ACACB: variants seen among roughly 807,000 people sequenced by gnomAD.
The protein encoded by ACACB is acetyl-CoA carboxylase 2.
Under a neutral mutation model 278.8 loss-of-function variants are expected in ACACB, and 209 were observed. The ratio of observed to expected loss-of-function variants is 0.75; its 90% CI spans 0.67 to 0.84. ACACB has a LOEUF of 0.84. Among genes scored for constraint, ACACB ranks in the 40% least tolerant of loss-of-function variants. The pLI is 0.00. For synonymous variants in ACACB, 1,174 were observed against 1,285.6 expected (o/e 0.91, Z 1.86); for missense variants, 2,850 against 3,269.0 (o/e 0.87, Z 3.13).
upstream of ACACB, among the ~76,000 whole-genome samples, chr12:109,115,419 A>T (rs2042384363): frequency 6.6e-6 from 1 of 152,222 alleles, no homozygotes; most frequent in Non-Finnish European, 1.5e-5. Context: ...GGAATTTTAT[A>T]AAAATGTCCT....
intron 28 of ACACB, among the ~76,000 whole-genome samples, chr12:109,231,397 CAT>C (rs1565950669): frequency 6.6e-6 from 1 of 152,156 alleles, no homozygotes; most frequent in East Asian, 1.9e-4. Flanking sequence ...TACATGAACA[CAT>C]GTTAATTCAT....
chr12:109,233,869 G>A (rs1364787167), intron 30 of ACACB, 22 bp downstream of exon 30: 47 of 1,613,746 alleles, frequency 2.9e-5, no homozygotes, highest in Non-Finnish European at 3.9e-5. Context: ...AGCCCAGGGA[G>A]CAACCTGGGG....
intron 42 of ACACB, 105 bp from the exon 43 acceptor site, chr12:109,252,910 G>A: frequency 1.7e-6 from 2 of 1,152,152 alleles, no homozygotes; most frequent in East Asian, 5.3e-5. Context: ...TCTCCTGGGT[G>A]ATTCTAATGT....
intron 41 of ACACB, among the ~76,000 whole-genome samples, chr12:109,251,623 G>A (rs560446788): frequency 9.2e-4 from 140 of 152,162 alleles, no homozygotes; most frequent in Non-Finnish European, 6.3e-4. Flanking sequence ...GTACATTATC[G>A]AAACCAGGAA....
At chr12:109,257,327 A>T (rs929548519) in intron 45 of ACACB, among the ~76,000 whole-genome samples, 1 of 152,022 alleles carries the variant, frequency 6.6e-6, no homozygotes, top group Non-Finnish European at 1.5e-5. Context: ...AATAAAAAAA[A>T]AAAAATCCAC....
chr12:109,220,870 GT>G, intron 24 of ACACB, among the ~76,000 whole-genome samples: 1 of 152,126 alleles, frequency 6.6e-6, no homozygotes, highest in African/African-American at 2.4e-5. Context: ...AAATGTTTTT[GT>G]TATTATTATT....
At chr12:109,242,716 G>A (rs1565963798) in intron 37 of ACACB, 124 bp downstream of exon 37, 32 of 1,198,962 alleles carry the variant, frequency 2.7e-5, no homozygotes, top group East Asian at 7.3e-5. Context: ...TGCCAGGTGC[G>A]GTGGCTCACG....
At chr12:109,150,809 A>G (rs1339863700) in intron 2 of ACACB, among the ~76,000 whole-genome samples, 1 of 152,162 alleles carries the variant, frequency 6.6e-6, no homozygotes, top group Non-Finnish European at 1.5e-5. Flanking sequence ...GTCTATGCAT[A>G]TTTTTATGCG....
At chr12:109,229,223 G>C (rs952620887) in intron 28 of ACACB, among the ~76,000 whole-genome samples, 1 of 152,138 alleles carries the variant, frequency 6.6e-6, no homozygotes, top group Non-Finnish European at 1.5e-5. Context: ...GATTACAGGC[G>C]TGAGCCACCG....
chr12:109,238,011 CAAAAAAA>C (rs538671568), intron 34 of ACACB, among the ~76,000 whole-genome samples: 1 of 61,346 alleles, frequency 1.6e-5, no homozygotes, highest in African/African-American at 6.0e-5. Flanking sequence ...GACCCTATCA[CAAAAAAA>C]AAAAAAAAAG....
At position 109,171,507 on chromosome 12, in the gene ACACB, G is replaced by A. The variant is rs1441746803; in HGVS notation, c.926-298G>A. 2.6e-5 allele frequency among the ~76,000 whole-genome samples: 4 copies of A among 152,048 alleles called. No homozygotes were observed. In the East Asian group the frequency reaches 5.8e-4, roughly 22 times the overall value. On this transcript the variant is annotated intron_variant, in intron 4 of 52. Coordinates refer to ENST00000338432, the MANE Select transcript of ACACB (RefSeq NM_001093.4). ...TTGGATTACAGGTGCCCACCACCAC[G>A]CCTGGCTAATTTTTGTATTTTTAGT...
At chr12:109,196,899 T>C in intron 16 of ACACB, 109 bp from the exon 17 acceptor site, 1 of 1,281,422 alleles carries the variant, frequency 7.8e-7, no homozygotes, top group East Asian at 3.0e-5. Flanking sequence ...GGTGTTCATC[T>C]TGGCCCTCTG....
chr12:109,174,302 C>A (rs1350226777), intron 7 of ACACB, 72 bp downstream of exon 7: 2 of 1,170,530 alleles, frequency 1.7e-6, no homozygotes, highest in East Asian at 2.7e-5. Context: ...GTCAGGGTGA[C>A]AGAAGTATGC....
Position 109,212,838 on chromosome 12 carries a change from A to T in ACACB, c.3252A>T (p.Ile1084=). 1.2e-6 allele frequency: 2 copies of T among 1,613,862 alleles called. No homozygotes were observed. The highest frequency in any genetic ancestry group is 1.7e-6 in the Non-Finnish European group (2 of 1,179,802). Residue 1084 remains isoleucine (I), a splice_region_variant and synonymous_variant, in exon 22 of 53, where the codon ATA becomes ATT. Coordinates refer to ENST00000338432, the MANE Select transcript of ACACB (RefSeq NM_001093.4). ...SVLCQFPSQQ[I]ATILDCHAAT... ...ACCTGTCTTGTTTTCCCATCCAGAT[A>T]GCCACCATCCTGGACTGCCATGCAG... is the stretch of plus-strand genomic sequence containing the variant.
intron 2 of ACACB, among the ~76,000 whole-genome samples, chr12:109,142,186 T>C (rs2043138696): frequency 6.6e-6 from 1 of 152,118 alleles, no homozygotes; most frequent in African/African-American, 2.4e-5. Context: ...AAGTTTGTGG[T>C]TATAGTGAGC....
In ACACB at chr12:109,179,184, A is replaced by C; in HGVS notation, c.1534A>C (p.Asn512His). The C allele has an allele frequency of 1.2e-6, 2 of 1,614,114 alleles. No homozygotes were observed. Among genetic ancestry groups the C allele is most frequent in the Non-Finnish European group, 1.7e-6 (2 of 1,180,010 alleles). The change falls in exon 10 of 53, where the codon AAT becomes CAT. Residue 512 changes from asparagine to histidine, a missense_variant. Asn to His is a moderately conservative substitution (Grantham distance 68). Around this residue, in one of 3 missense-constraint regions of ACACB, gnomAD observed 2,265 missense variants for 2,561.3 expected, o/e 0.88. Transcript: ENST00000338432. ...TCAGATCCTCGCTGACCAGTATGGG[A>C]ATGCTGTGTCTCTGTTTGGTCGCGA... ...EVQILADQYG[N>H]AVSLFGRDCS... is the part of the protein sequence containing the mutation.
At chr12:109,262,324 A>G in intron 48 of ACACB, 33 bp from the exon 49 acceptor site, 1 of 1,566,342 alleles carries the variant, frequency 6.4e-7, no homozygotes, top group Non-Finnish European at 8.8e-7. Context: ...GCAATGCCTC[A>G]TATACCCCCA....
At chr12:109,157,372 A>G (rs1031664771) in intron 2 of ACACB, among the ~76,000 whole-genome samples, 1 of 151,926 alleles carries the variant, frequency 6.6e-6, no homozygotes, top group African/African-American at 2.4e-5. Context: ...CTCCGGGCTC[A>G]AGCAGTCCTC....
chr12:109,194,549 T>TGTGTGTG (rs1565908113), intron 16 of ACACB, among the ~76,000 whole-genome samples: 38 of 52,786 alleles, frequency 7.2e-4, no homozygotes, highest in South Asian at 1.1e-3. Context: ...TGTGTGTGTG[T>TGTGTGTG]TTACATTGGC....
Sources: allele counts gnomAD v4.1 joint callset (sites outside exome capture counted in the v4.1 genomes callset), GRCh38; gene constraint gnomAD v4.1.1; regional missense constraint gnomAD v4.1.1; transcripts MANE v1.5; gene names NCBI Gene and HGNC (gene_info 2026-07-23, HGNC 2026-07-21).